CDK12: variants seen among roughly 807,000 people sequenced by gnomAD.
The protein encoded by CDK12 is cyclin-dependent kinase 12.
Under a neutral mutation model 133.8 loss-of-function variants are expected in CDK12, and 17 were observed. The ratio of observed to expected loss-of-function variants is 0.13; its 90% CI spans 0.09 to 0.19. CDK12 has a LOEUF of 0.19. CDK12 is among the 10% of genes least tolerant of loss of function. CDK12 has a pLI of 1.00. For missense variants in CDK12, 1,508 were observed against 1,818.7 expected, an observed-to-expected ratio of 0.83 and a Z score of 3.11; for synonymous variants, 694 against 683.6, an observed-to-expected ratio of 1.02 and a Z score of -0.24.
chr17:39,522,220 T>C (rs1298895847), intron 11 of CDK12, among the ~76,000 whole-genome samples: 3 of 151,804 alleles, frequency 2.0e-5, no homozygotes, highest in Non-Finnish European at 4.4e-5. Context: ...CCCGAGTAGC[T>C]GGGATTACAG....
At chr17:39,562,246 T>C (rs930607999) in intron 3 of CDK12, among the ~76,000 whole-genome samples, 15 of 152,176 alleles carry the variant, frequency 9.9e-5, no homozygotes, top group Admixed American at 7.2e-4. Context: ...CTGGGGACTA[T>C]AAGAATTATA....
intron 2 of CDK12, among the ~76,000 whole-genome samples, chr17:39,480,714 C>T (rs763994361): frequency 3.9e-5 from 6 of 152,068 alleles, no homozygotes; most frequent in Non-Finnish European, 8.8e-5. Flanking sequence ...TGAGCCAGCA[C>T]GCCCAGCCGA....
At chr17:39,465,771 G>A (rs1472508602) in intron 1 of CDK12, among the ~76,000 whole-genome samples, 4 of 152,102 alleles carry the variant, frequency 2.6e-5, no homozygotes, top group African/African-American at 9.7e-5. Flanking sequence ...GATTACAGGC[G>A]TGAGCCAATG....
Position 39,494,531 on chromosome 17 carries a change from A to G in CDK12, c.2256A>G (p.Leu752=). The G allele has an allele frequency of 6.2e-7, 1 of 1,613,842 alleles. No homozygotes were observed. Among genetic ancestry groups the G allele is most frequent in the South Asian group, 1.1e-5 (1 of 91,034 alleles). The stretch of plus-strand genomic sequence containing the variant: ...TTACATTTGTTTTGGCAGGAGAACT[A>G]GTGGCTCTGAAGAAGGTGAGACTAG... ...YKAKDKDTGE[L]VALKKVRLDN... The change falls in exon 5 of 14, where the codon CTA becomes CTG. Residue 752 remains leucine (L), a synonymous_variant. Transcript: ENST00000447079.
rs2145192278 is a variant in CDK12, at chr17:39,471,152, A to G, written c.1320A>G (p.Ser440=). 6.3e-7 allele frequency: 1 copy of G among 1,583,514 alleles called. No homozygotes were observed. The highest frequency in any genetic ancestry group is 8.6e-7 in the Non-Finnish European group (1 of 1,169,368). ...KENSSVEAKD[S]GLESKKLPRS... is the part of the protein sequence containing the mutation. Reference sequence around the variant, plus strand: ...ACAGTTCAGTAGAGGCTAAGGATTCAGGTTTGGAGTCTAAAAAGTTACCCA... The same window carrying G: ...ACAGTTCAGTAGAGGCTAAGGATTCGGGTTTGGAGTCTAAAAAGTTACCCA... The change falls in exon 2 of 14, where the codon TCA becomes TCG. Residue 440 remains serine, a synonymous_variant. Transcript: ENST00000447079.
At position 39,462,450 on chromosome 17, in the gene CDK12, C is replaced by A. The variant is rs373315719; in HGVS notation, c.379C>A (p.Gln127Lys). Residue 127 changes from glutamine to lysine, a missense_variant, in exon 1 of 14, where the codon CAG (glutamine) becomes AAG (lysine). Gln to Lys is a moderately conservative substitution (Grantham distance 53, BLOSUM62 1). This residue lies in a region of CDK12 where 460 missense variants were observed against 490.8 expected (regional missense o/e 0.94). Coordinates refer to ENST00000447079, the MANE Select transcript of CDK12 (RefSeq NM_016507.4). ...TTCCCGGGACTTACTAAAAGCTAAA[C>A]AGACCGAAAAAGAAAAAAGCCAAGA... ...RRSRDLLKAK[Q>K]TEKEKSQEVS... 6.2e-7 allele frequency: 1 copy of A among 1,613,934 alleles called. No individual in the cohort carries two copies. Among genetic ancestry groups the A allele is most frequent in the African/African-American group, 1.3e-5 (1 of 74,880 alleles).
intron 2 of CDK12, among the ~76,000 whole-genome samples, chr17:39,488,041 C>T (rs1490084893): frequency 3.9e-5 from 6 of 152,038 alleles, no homozygotes; most frequent in South Asian, 4.1e-4. Flanking sequence ...TGTGACTAGC[C>T]TGGGCAATAT....
chr17:39,505,003 G>C (rs2053003268), intron 6 of CDK12, among the ~76,000 whole-genome samples: 1 of 151,690 alleles, frequency 6.6e-6, no homozygotes, highest in African/African-American at 2.4e-5. Context: ...GGCCGAGGCG[G>C]ACGGATCATG....
At chr17:39,513,871 C>G (rs1230986705) in intron 8 of CDK12, among the ~76,000 whole-genome samples, 1 of 152,068 alleles carries the variant, frequency 6.6e-6, no homozygotes, top group Non-Finnish European at 1.5e-5. Context: ...TATGACAGTT[C>G]AGTGTGCAAA....
intron 12 of CDK12, 29 bp from the exon 13 acceptor site, chr17:39,525,835 C>T: frequency 6.3e-7 from 1 of 1,588,020 alleles, no homozygotes; most frequent in Non-Finnish European, 8.6e-7. Flanking sequence ...ATCTCATCGT[C>T]TTATATTGGC....
In CDK12 at chr17:39,521,948, G is replaced by T. The variant is rs772305291; in HGVS notation, c.3095+1861G>T. Reference sequence around the variant, plus strand: ...ACTCCTGGGCTCAAGTGATTCTCCCGCCTCAGCCTTCCAAAGTCATGGGAT... The same window carrying T: ...ACTCCTGGGCTCAAGTGATTCTCCCTCCTCAGCCTTCCAAAGTCATGGGAT... On this transcript the variant is annotated intron_variant, in intron 11 of 13. Transcript: ENST00000447079. Among the ~76,000 whole-genome samples the T allele has an allele frequency of 2.0e-5, 3 of 150,536 alleles. No individual in the cohort carries two copies. The Admixed American group carries it at 2.0e-4, about 10-fold the overall frequency.
rs528016697 is a variant in CDK12, at chr17:39,530,827, C to T, written c.3984C>T (p.Tyr1328=). 4.3e-6 allele frequency: 7 copies of T among 1,614,212 alleles called. No individual in the cohort carries two copies. In the East Asian group the frequency reaches 1.3e-4, roughly 31 times the overall value. ...HEHQALRPME[Y]STRPRPNRTY... ...ACCAGGCCTTGAGACCAATGGAGTA[C>T]TCCACCCGACCCCGTCCAAACAGGA... is the stretch of plus-strand genomic sequence containing the variant. Residue 1328 remains tyrosine (Y), a synonymous_variant, in exon 14 of 14, where the codon TAC becomes TAT. Transcript: ENST00000447079.
intron 5 of CDK12, among the ~76,000 whole-genome samples, chr17:39,499,778 T>C (rs1192345665): frequency 2.0e-5 from 3 of 152,112 alleles, no homozygotes; most frequent in African/African-American, 7.2e-5. Flanking sequence ...CCTCCCAAAG[T>C]GCTGGAATTA....
rs2054960300 is a variant in CDK12, at chr17:39,533,098, TGAAA to T, written c.*1786_*1789del. On this transcript the variant is annotated 3_prime_UTR_variant, in exon 14 of 14. Coordinates refer to ENST00000447079, the MANE Select transcript of CDK12 (RefSeq NM_016507.4). ...TTAAAAAAAAAAAACTTTAAAGAAA[TGAAA>T]GAAGAACCCTCTTCAGATACTTACT... 8.7e-6 allele frequency: 2 copies of T among 230,916 alleles called. No homozygotes were observed. The highest frequency in any genetic ancestry group is 1.1e-4 in the Admixed American group (2 of 17,658). The allele number at this position is 230,916 out of a possible 1,614,324, so 14.3% of individuals were successfully genotyped here.
At chr17:39,517,621 C>A in intron 10 of CDK12, 65 bp downstream of exon 10, 1 of 937,532 alleles carries the variant, frequency 1.1e-6, no homozygotes. Context: ...TGGCTTTTTC[C>A]TGGTCTGGGT....
chr17:39,555,591 CA>C, intron 2 of CDK12, among the ~76,000 whole-genome samples: 2 of 152,046 alleles, frequency 1.3e-5, no homozygotes, highest in Non-Finnish European at 2.9e-5. Context: ...TGAACTAAAC[CA>C]ACACATCACC....
Position 39,532,929 on chromosome 17 carries a change from C to A in CDK12, c.*1613C>A, listed in dbSNP as rs2054948056. The A allele has an allele frequency of 8.6e-6, 2 of 232,912 alleles. No homozygotes were observed. Among genetic ancestry groups the A allele is most frequent in the African/African-American group, 4.4e-5 (2 of 45,294 alleles). The allele number at this position is 232,912 out of a possible 1,614,324, so 14.4% of individuals were successfully genotyped here. Reference sequence around the variant, plus strand: ...TGCACAGACTTAGACCTTCAGGAAACATAGGTTAAGCCCCCTTTTACAAAG... The same window carrying A: ...TGCACAGACTTAGACCTTCAGGAAAAATAGGTTAAGCCCCCTTTTACAAAG... On this transcript the variant is annotated 3_prime_UTR_variant, in exon 14 of 14. Transcript: ENST00000447079.
chr17:39,503,482 T>A (rs974303677), intron 6 of CDK12, among the ~76,000 whole-genome samples: 3 of 152,230 alleles, frequency 2.0e-5, no homozygotes, highest in South Asian at 2.1e-4. Flanking sequence ...TAATAGCTAT[T>A]AGCTTGCAAC....
chr17:39,557,206 G>A (rs1048076588), intron 3 of CDK12: 7 of 152,234 alleles, frequency 4.6e-5, no homozygotes, highest in Non-Finnish European at 1.0e-4. Flanking sequence ...CAGCTGGGTA[G>A]ATGTTAGACA....
Sources: allele counts gnomAD v4.1 joint callset (sites outside exome capture counted in the v4.1 genomes callset), GRCh38; gene constraint gnomAD v4.1.1; regional missense constraint gnomAD v4.1.1; transcripts MANE v1.5; gene names NCBI Gene and HGNC (gene_info 2026-07-23, HGNC 2026-07-21).